The following LHFPL3 variants were observed in gnomAD, a reference collection of about 807,000 sequenced individuals.
The protein encoded by LHFPL3 is LHFPL tetraspan subfamily member 3 protein.
Under a neutral mutation model 19.3 loss-of-function variants are expected in LHFPL3, and 5 were observed. That is an observed-to-expected ratio of 0.26 (90% confidence interval 0.14 to 0.54). LHFPL3 has a LOEUF of 0.54. Ranked by LOEUF, LHFPL3 falls within the 20% of genes least tolerant of loss-of-function variation. LHFPL3 has a pLI of 0.94. For synonymous variants in LHFPL3, 133 were observed against 126.2 expected (o/e 1.05, Z -0.36); for missense variants, 249 against 307.4 (o/e 0.81, Z 1.42).
chr7:104,816,266 A>G (rs1396603156), intron 2 of LHFPL3, among the ~76,000 whole-genome samples: 2 of 152,218 alleles, frequency 1.3e-5, no homozygotes, highest in Middle Eastern at 3.2e-3. Context: ...GGTAAAAATC[A>G]TATCTAAAAA....
At chr7:104,551,320 TA>T (rs1240909905) in intron 1 of LHFPL3, among the ~76,000 whole-genome samples, 2 of 152,326 alleles carry the variant, frequency 1.3e-5, no homozygotes, top group African/African-American at 4.8e-5. Context: ...AATGTTGGCA[TA>T]TTTCCATTTG....
intron 2 of LHFPL3, among the ~76,000 whole-genome samples, chr7:104,848,309 T>C (rs1397990874): frequency 6.6e-6 from 1 of 152,206 alleles, no homozygotes; most frequent in Non-Finnish European, 1.5e-5. Flanking sequence ...TCTTGGCAAC[T>C]ATCACTGCCC....
chr7:104,767,811 C>A (rs776624851), intron 2 of LHFPL3, among the ~76,000 whole-genome samples: 1 of 152,200 alleles, frequency 6.6e-6, no homozygotes, highest in African/African-American at 2.4e-5. Flanking sequence ...AGTCACCCAT[C>A]AGACTTGGTT....
At chr7:104,674,348 C>G (rs1484708313) in intron 1 of LHFPL3, among the ~76,000 whole-genome samples, 2 of 150,852 alleles carry the variant, frequency 1.3e-5, no homozygotes, top group East Asian at 3.9e-4. Context: ...GGGAAAGGGA[C>G]TTCCTGTTTT....
chr7:104,733,374 A>T (rs966218503), intron 1 of LHFPL3, among the ~76,000 whole-genome samples: 45 of 152,126 alleles, frequency 3.0e-4, no homozygotes, highest in Non-Finnish European at 4.6e-4. Flanking sequence ...TTTGTAGGTC[A>T]CTAAGGACTT....
intron 1 of LHFPL3, among the ~76,000 whole-genome samples, chr7:104,584,304 G>A (rs1469331575): frequency 6.6e-6 from 1 of 151,634 alleles, no homozygotes; most frequent in East Asian, 1.9e-4. Context: ...ACTAGGGACT[G>A]TTGTGGGGTG....
chr7:104,735,660 C>CTT (rs1161935414), intron 1 of LHFPL3, among the ~76,000 whole-genome samples: 17 of 152,382 alleles, frequency 1.1e-4, no homozygotes, highest in Middle Eastern at 3.4e-3. Context: ...ACCCCTTGCA[C>CTT]TTCCCAGGTG....
intron 2 of LHFPL3, among the ~76,000 whole-genome samples, chr7:104,891,178 T>C (rs533151458): frequency 1.3e-5 from 2 of 149,576 alleles, no homozygotes; most frequent in South Asian, 4.3e-4. Flanking sequence ...CAGAATACCA[T>C]AAAAAAAAAA....
chr7:104,746,858 TTTGA>T (rs1794055370), intron 2 of LHFPL3, among the ~76,000 whole-genome samples: 1 of 152,256 alleles, frequency 6.6e-6, no homozygotes, highest in African/African-American at 2.4e-5. Context: ...TTATATAGTG[TTTGA>T]TTAACGGGGT....
At chr7:104,834,389 C>T (rs375936416) in intron 2 of LHFPL3, among the ~76,000 whole-genome samples, 1 of 152,012 alleles carries the variant, frequency 6.6e-6, no homozygotes, top group African/African-American at 2.4e-5. Context: ...CTTTCAGCCT[C>T]ATGCTCCTCC....
intron 1 of LHFPL3, among the ~76,000 whole-genome samples, chr7:104,420,554 A>ATTTTTTTTTTTTTTTTTTTTTTTTTTTT (rs71153195): frequency 8.9e-6 from 1 of 112,710 alleles, no homozygotes. Context: ...CAAAGGGTGA[A>ATTTTTTTTTTTTTTTTTTTTTTTTTTTT]TTTTTTTTTT....
intron 1 of LHFPL3, among the ~76,000 whole-genome samples, chr7:104,689,303 C>A (rs1366011624): frequency 6.6e-6 from 1 of 152,182 alleles, no homozygotes; most frequent in Non-Finnish European, 1.5e-5. Flanking sequence ...CAGTGGACAG[C>A]AGAGGCAAAG....
rs536833162 is a variant in LHFPL3 at position 104,453,177 on chromosome 7, C to T, written c.445+123953C>T. ...AATCATACTAGACCAATTAAACAGG[C>T]AAGACTGCTTCAACAGGGCAGAGAA... On this transcript the variant is annotated intron_variant, in intron 1 of 2. Transcript: ENST00000424859. Among the ~76,000 whole-genome samples the T allele has an allele frequency of 2.0e-5, 3 of 151,958 alleles. No homozygotes were observed. In the South Asian group the frequency reaches 6.2e-4, roughly 32 times the overall value.
chr7:104,471,905 C>G (rs949550365), intron 1 of LHFPL3, among the ~76,000 whole-genome samples: 22 of 152,152 alleles, frequency 1.4e-4, no homozygotes, highest in African/African-American at 5.3e-4. Flanking sequence ...CTGCCACATG[C>G]AATGGCCCTT....
rs555313433 is a variant in LHFPL3, at chr7:104,686,261, G to C, written c.446-50414G>C. On this transcript the variant is annotated intron_variant, in intron 1 of 2. Coordinates refer to ENST00000424859, the MANE Select transcript of LHFPL3 (RefSeq NM_199000.3). Reference sequence around the variant, plus strand: ...AGCTAAAGAAACAGCTGAGTATCTAGCAAGACTGACCCCAGCCTGCCTCCA... The same window carrying C: ...AGCTAAAGAAACAGCTGAGTATCTACCAAGACTGACCCCAGCCTGCCTCCA... 5.3e-5 allele frequency among the ~76,000 whole-genome samples: 8 copies of C among 152,290 alleles called. No individual in the cohort carries two copies. The East Asian group carries it at 1.5e-3, about 29-fold the overall frequency.
chr7:104,555,763 A>G (rs1794751914), intron 1 of LHFPL3, among the ~76,000 whole-genome samples: 8 of 152,218 alleles, frequency 5.3e-5, no homozygotes. Context: ...GCATTAACTC[A>G]GAAATCCACA....
chr7:104,698,844 C>T (rs1383790507), intron 1 of LHFPL3, among the ~76,000 whole-genome samples: 1 of 152,102 alleles, frequency 6.6e-6, no homozygotes, highest in Non-Finnish European at 1.5e-5. Flanking sequence ...ACTCCTACAA[C>T]TTAATCAAAA....
At chr7:104,524,204 A>G (rs1312552879) in intron 1 of LHFPL3, among the ~76,000 whole-genome samples, 1 of 152,188 alleles carries the variant, frequency 6.6e-6, no homozygotes, top group African/African-American at 2.4e-5. Context: ...GAAGGATGGC[A>G]GGCCAAGACG....
intron 1 of LHFPL3, among the ~76,000 whole-genome samples, chr7:104,427,511 T>G (rs988971767): frequency 6.6e-6 from 1 of 152,044 alleles, no homozygotes; most frequent in South Asian, 2.1e-4. Context: ...GCTGATAGGG[T>G]TTTTGCTTGA....
Sources: allele counts gnomAD v4.1 joint callset (sites outside exome capture counted in the v4.1 genomes callset), GRCh38; gene constraint gnomAD v4.1.1; transcripts MANE v1.5; gene names NCBI Gene and HGNC (gene_info 2026-07-23, HGNC 2026-07-21).